The following JMJD1C variants were observed in gnomAD, a reference collection of about 807,000 sequenced individuals.
The protein encoded by JMJD1C is jumonji domain containing 1C, also known as jumonji domain-containing protein 1C.
A neutral mutation model predicts 245.3 loss-of-function variants in JMJD1C; 31 were observed. That is an observed-to-expected ratio of 0.13 (90% CI 0.09 to 0.17). The LOEUF (loss-of-function observed/expected upper bound fraction) is 0.17, where lower values mean the gene tolerates loss of function less well. JMJD1C is among the 10% of genes least tolerant of loss of function. JMJD1C has a pLI of 1.00. For missense variants in JMJD1C, 2,691 were observed against 3,000.2 expected (o/e 0.90, Z 2.41); for synonymous variants, 1,057 against 1,017.4 (o/e 1.04, Z -0.74).
At chr10:63,515,209 T>C (rs548699308) in intron 1 of JMJD1C, among the ~76,000 whole-genome samples, 1 of 152,174 alleles carries the variant, frequency 6.6e-6, no homozygotes, top group Non-Finnish European at 1.5e-5. Flanking sequence ...TTTCCTTTTC[T>C]CCATGTGGAG....
chr10:63,246,330 A>G (rs1429912638), intron 3 of JMJD1C, among the ~76,000 whole-genome samples: 1 of 152,178 alleles, frequency 6.6e-6, no homozygotes, highest in Non-Finnish European at 1.5e-5. Context: ...AGCATGAGAA[A>G]AGTAAAAACA....
At chr10:63,194,032 C>T (rs1211930900) in intron 14 of JMJD1C, among the ~76,000 whole-genome samples, 2 of 152,178 alleles carry the variant, frequency 1.3e-5, no homozygotes, top group Non-Finnish European at 2.9e-5. Context: ...TTATAAGAAG[C>T]TTTCATTAAA....
chr10:63,246,965 T>A lies in JMJD1C; in HGVS notation c.447+17686A>T, dbSNP rs547808154. On this transcript the variant is annotated intron_variant, in intron 3 of 25. Coordinates refer to ENST00000399262, the MANE Select transcript of JMJD1C (RefSeq NM_032776.3). The stretch of plus-strand genomic sequence containing the variant: ...ATACTAAGAGGAAAGTTTACAGCAA[T>A]AAACATCTATATTTAAAAAGTAGAC... Among the ~76,000 whole-genome samples, 4 of 151,542 alleles carry A rather than the reference T, an allele frequency of 2.6e-5. No individual in the cohort carries two copies. The South Asian group carries it at 8.3e-4, about 32-fold the overall frequency.
chr10:63,247,160 G>T (rs1358402493), intron 3 of JMJD1C, among the ~76,000 whole-genome samples: 2 of 147,502 alleles, frequency 1.4e-5, no homozygotes, highest in South Asian at 2.1e-4. Context: ...TTAAAAAAAT[G>T]AAAAGCTGGA....
At chr10:63,519,403 A>T (rs1193807753) in intron 1 of JMJD1C, among the ~76,000 whole-genome samples, 7 of 152,250 alleles carry the variant, frequency 4.6e-5, no homozygotes, top group African/African-American at 7.2e-5. Flanking sequence ...GAAATTTTTT[A>T]AATCTGATGC....
At chr10:63,369,289 G>A (rs1946105281) in intron 2 of JMJD1C, among the ~76,000 whole-genome samples, 1 of 151,814 alleles carries the variant, frequency 6.6e-6, no homozygotes, top group Non-Finnish European at 1.5e-5. Flanking sequence ...TTATGGAAGT[G>A]CACCACCACA....
intron 1 of JMJD1C, among the ~76,000 whole-genome samples, chr10:63,476,118 G>C (rs987948635): frequency 6.6e-6 from 1 of 151,936 alleles, no homozygotes; most frequent in African/African-American, 2.4e-5. Flanking sequence ...GCTGAGGCAG[G>C]AGAATTCCTT....
intron 1 of JMJD1C, among the ~76,000 whole-genome samples, chr10:63,443,265 G>A (rs72837029): frequency 0.021 from 3,255 of 152,234 alleles, 55 homozygotes; most frequent in Non-Finnish European, 0.033. Flanking sequence ...CACCCTCTCA[G>A]CTCTCCAAAT....
chr10:63,294,426 C>T (rs1351364102), intron 2 of JMJD1C, among the ~76,000 whole-genome samples: 1 of 152,026 alleles, frequency 6.6e-6, no homozygotes, highest in East Asian at 1.9e-4. Context: ...GCTGGGACTA[C>T]AGGTGTGTGC....
chr10:63,481,058 G>C (rs1953816207), intron 1 of JMJD1C, among the ~76,000 whole-genome samples: 1 of 152,074 alleles, frequency 6.6e-6, no homozygotes, highest in Non-Finnish European at 1.5e-5. Context: ...ATAAAATTAG[G>C]CTAATCATAT....
intron 2 of JMJD1C, among the ~76,000 whole-genome samples, chr10:63,290,399 T>C: frequency 6.6e-6 from 1 of 152,084 alleles, no homozygotes; most frequent in South Asian, 2.1e-4. Flanking sequence ...TGAAACCCCG[T>C]CCCTATTAAA....
intron 1 of JMJD1C, among the ~76,000 whole-genome samples, chr10:63,448,002 T>C (rs184818297): frequency 6.6e-6 from 1 of 152,074 alleles, no homozygotes; most frequent in African/African-American, 2.4e-5. Flanking sequence ...TCTAATAAAG[T>C]ATTGTGAAAA....
intron 1 of JMJD1C, among the ~76,000 whole-genome samples, chr10:63,508,307 T>C (rs149058389): frequency 6.6e-6 from 1 of 152,366 alleles, no homozygotes; most frequent in East Asian, 1.9e-4. Flanking sequence ...CAAGGGTCTG[T>C]GTCTGGGCTC....
At chr10:63,357,174 T>C (rs1377620334) in intron 2 of JMJD1C, among the ~76,000 whole-genome samples, 1 of 151,826 alleles carries the variant, frequency 6.6e-6, no homozygotes, top group Non-Finnish European at 1.5e-5. Context: ...GCTGGGACTA[T>C]AGATGCGTGC....
At chr10:63,211,254 C>T (rs1847283501) in intron 8 of JMJD1C, among the ~76,000 whole-genome samples, 1 of 152,084 alleles carries the variant, frequency 6.6e-6, no homozygotes, top group Non-Finnish European at 1.5e-5. Flanking sequence ...CACTTGAGGT[C>T]AGGAGTTCGA....
intron 3 of JMJD1C, among the ~76,000 whole-genome samples, chr10:63,253,854 T>C (rs1853456228): frequency 6.6e-6 from 1 of 152,144 alleles, no homozygotes; most frequent in South Asian, 2.1e-4. Flanking sequence ...GAATTCCTTA[T>C]TCCTCCCTGG....
At chr10:63,345,681 G>T (rs1239322504) in intron 2 of JMJD1C, among the ~76,000 whole-genome samples, 1 of 151,984 alleles carries the variant, frequency 6.6e-6, no homozygotes, top group Non-Finnish European at 1.5e-5. Flanking sequence ...AACTACAAGG[G>T]GGCAGCACAG....
intron 3 of JMJD1C, among the ~76,000 whole-genome samples, chr10:63,232,050 C>A (rs1195061895): frequency 6.6e-6 from 1 of 152,124 alleles, no homozygotes; most frequent in Non-Finnish European, 1.5e-5. Flanking sequence ...GTTGGCCAGG[C>A]TGGTCTTGAA....
At chr10:63,365,624 C>T (rs184453396) in intron 2 of JMJD1C, among the ~76,000 whole-genome samples, 16 of 152,132 alleles carry the variant, frequency 1.1e-4, no homozygotes, top group African/African-American at 3.6e-4. Context: ...AAGTATTATG[C>T]TAAAGATGGA....
Sources: allele counts gnomAD v4.1 joint callset (sites outside exome capture counted in the v4.1 genomes callset), GRCh38; gene constraint gnomAD v4.1.1; transcripts MANE v1.5; gene names NCBI Gene and HGNC (gene_info 2026-07-23, HGNC 2026-07-21).